METTL15: variants seen among roughly 807,000 people sequenced by gnomAD.
The protein encoded by METTL15 is 12S rRNA N(4)-cytidine methyltransferase METTL15.
A neutral mutation model predicts 38.3 loss-of-function variants in METTL15; 34 were observed. The ratio of observed to expected loss-of-function variants is 0.89; its 90% confidence interval spans 0.68 to 1.18. The LOEUF is 1.18. Among genes scored for constraint, METTL15 ranks in the 50% most tolerant of loss-of-function variants. METTL15 has a pLI of 0.00. For missense variants in METTL15, 438 were observed against 498.4 expected, an observed-to-expected ratio of 0.88 and a Z score of 1.15; for synonymous variants, 162 against 170.9, an observed-to-expected ratio of 0.95 and a Z score of 0.41.
chr11:28,214,161 G>C (rs939742208), intron 4 of METTL15, among the ~76,000 whole-genome samples: 10 of 151,966 alleles, frequency 6.6e-5, no homozygotes, highest in African/African-American at 2.2e-4. Flanking sequence ...TTCTGCCTCA[G>C]CCTCTCAAGT....
downstream of METTL15, among the ~76,000 whole-genome samples, chr11:28,334,339 AAAACT>A (rs1293952508): frequency 6.6e-6 from 1 of 152,108 alleles, no homozygotes; most frequent in Non-Finnish European, 1.5e-5. Flanking sequence ...TAATAGATTA[AAAACT>A]AAATTAAAAA....
At chr11:28,271,107 C>T (rs1335484435) in intron 4 of METTL15, among the ~76,000 whole-genome samples, 1 of 152,058 alleles carries the variant, frequency 6.6e-6, no homozygotes, top group Non-Finnish European at 1.5e-5. Flanking sequence ...TTAAGTCTAG[C>T]CCTGGCATTT....
At chr11:28,362,870 TTGAAGCATA>T (rs1850152102) in intron 5 of METTL15, among the ~76,000 whole-genome samples, 1 of 152,198 alleles carries the variant, frequency 6.6e-6, no homozygotes, top group Non-Finnish European at 1.5e-5. Context: ...ATTATTTTCC[TTGAAGCATA>T]TATGCCCACA....
chr11:28,223,461 A>C (rs2133869030), intron 4 of METTL15, among the ~76,000 whole-genome samples: 1 of 152,322 alleles, frequency 6.6e-6, no homozygotes, highest in African/African-American at 2.4e-5. Flanking sequence ...ATGCATAGAT[A>C]GATTACATAT....
At chr11:28,309,956 C>T (rs980149794) in intron 6 of METTL15, among the ~76,000 whole-genome samples, 3 of 152,138 alleles carry the variant, frequency 2.0e-5, no homozygotes, top group African/African-American at 4.8e-5. Flanking sequence ...GGCCTACCCA[C>T]GTCTACTTTT....
At chr11:28,200,352 A>G (rs753559524) in intron 3 of METTL15, among the ~76,000 whole-genome samples, 6 of 152,210 alleles carry the variant, frequency 3.9e-5, no homozygotes, top group Non-Finnish European at 8.8e-5. Flanking sequence ...TTACTTAATT[A>G]ACTGAAAGTG....
At chr11:28,464,140 G>A (rs1478227793) in intron 6 of METTL15, among the ~76,000 whole-genome samples, 1 of 152,030 alleles carries the variant, frequency 6.6e-6, no homozygotes, top group African/African-American at 2.4e-5. Flanking sequence ...CTTCAGTTGT[G>A]GTAAGATGCA....
At chr11:28,259,407 CG>C (rs987109183) in intron 4 of METTL15, among the ~76,000 whole-genome samples, 1 of 152,052 alleles carries the variant, frequency 6.6e-6, no homozygotes, top group Admixed American at 6.6e-5. Flanking sequence ...ATCATGTACC[CG>C]CCAAGTCCAG....
intron 5 of METTL15, 133 bp from the exon 6 acceptor site, chr11:28,296,620 G>T: frequency 1.2e-6 from 1 of 845,336 alleles, no homozygotes; most frequent in Non-Finnish European, 1.8e-6. Flanking sequence ...TAAGGTTTCA[G>T]TTTCTGACTT....
intron 3 of METTL15, among the ~76,000 whole-genome samples, chr11:28,152,759 T>A (rs976626936): frequency 2.0e-5 from 3 of 149,842 alleles, no homozygotes; most frequent in Non-Finnish European, 4.5e-5. Context: ...TTAGATCTAG[T>A]GCAAGAAAGA....
chr11:28,493,977 A>C (rs1851516850), intron 6 of METTL15, among the ~76,000 whole-genome samples: 1 of 152,252 alleles, frequency 6.6e-6, no homozygotes, highest in Admixed American at 6.5e-5. Flanking sequence ...AATCAATTAC[A>C]CTGGCATGAT....
chr11:28,420,760 A>T (rs1226705729), intron 5 of METTL15, among the ~76,000 whole-genome samples: 2 of 152,098 alleles, frequency 1.3e-5, no homozygotes, highest in African/African-American at 4.8e-5. Context: ...GCCTACATCA[A>T]AAAAGACGAA....
intron 3 of METTL15, among the ~76,000 whole-genome samples, chr11:28,191,445 TA>T: frequency 6.6e-6 from 1 of 151,640 alleles, no homozygotes; most frequent in South Asian, 2.1e-4. Context: ...TTATGCTTTA[TA>T]TAAATGTAAA....
intron 4 of METTL15, among the ~76,000 whole-genome samples, chr11:28,242,979 T>G (rs1014786788): frequency 3.9e-5 from 6 of 152,162 alleles, no homozygotes; most frequent in Middle Eastern, 3.4e-3. Flanking sequence ...TAATAGAGAT[T>G]AAACTTTCTA....
At chr11:28,189,702 G>A (rs1184101908) in intron 3 of METTL15, among the ~76,000 whole-genome samples, 1 of 151,172 alleles carries the variant, frequency 6.6e-6, no homozygotes, top group Admixed American at 6.6e-5. Context: ...AGTGAATCAT[G>A]TCCATTTGAT....
chr11:28,276,806 C>A (rs968270774), intron 4 of METTL15, among the ~76,000 whole-genome samples: 1 of 152,054 alleles, frequency 6.6e-6, no homozygotes, highest in South Asian at 2.1e-4. Flanking sequence ...TTTGACAAAG[C>A]TGTAGGAGAA....
chr11:28,437,536 T>A (rs943653903), intron 6 of METTL15, among the ~76,000 whole-genome samples: 2 of 152,236 alleles, frequency 1.3e-5, no homozygotes, highest in Non-Finnish European at 2.9e-5. Context: ...CTTGTTACAC[T>A]TTCTCAAATA....
intron 5 of METTL15, among the ~76,000 whole-genome samples, chr11:28,294,202 A>T (rs1856640900): frequency 1.3e-5 from 2 of 152,204 alleles, no homozygotes; most frequent in Non-Finnish European, 2.9e-5. Context: ...TGTCATAGAT[A>T]GCTCTTACAA....
At chr11:28,120,547 A>AT (rs924710956) in intron 3 of METTL15, among the ~76,000 whole-genome samples, 1 of 152,056 alleles carries the variant, frequency 6.6e-6, no homozygotes, top group African/African-American at 2.4e-5. Context: ...AACAAAAAAA[A>AT]ATCCTGATTT....
Sources: allele counts gnomAD v4.1 joint callset (sites outside exome capture counted in the v4.1 genomes callset), GRCh38; gene constraint gnomAD v4.1.1; transcripts MANE v1.5; gene names NCBI Gene and HGNC (gene_info 2026-07-23, HGNC 2026-07-21).